FCRL3: variants seen among roughly 807,000 people sequenced by gnomAD.
The protein encoded by FCRL3 is Fc receptor like 3.
In FCRL3, 89 loss-of-function variants were observed where a neutral mutation model predicts 75.0. The ratio of observed to expected loss-of-function variants is 1.19; its 90% confidence interval spans 1.00 to 1.42. The LOEUF is 1.42. Ranked by LOEUF, FCRL3 falls within the 40% of genes most tolerant of loss-of-function variation. The probability of loss-of-function intolerance (pLI) is 0.00; values close to 1 mark genes in which losing one functional copy is unlikely to be tolerated. For synonymous variants in FCRL3, 376 were observed against 348.5 expected (o/e 1.08, Z -0.88); for missense variants, 946 against 880.0 (o/e 1.07, Z -0.95).
intron 8 of FCRL3, among the ~76,000 whole-genome samples, chr1:157,693,511 C>T (rs1342265917): frequency 6.6e-6 from 1 of 152,070 alleles, no homozygotes; most frequent in Non-Finnish European, 1.5e-5. Context: ...TAAGCAGTAA[C>T]AGACACTAAA....
intron 10 of FCRL3, among the ~76,000 whole-genome samples, chr1:157,684,005 A>T (rs1180048585): frequency 6.6e-6 from 1 of 152,116 alleles, no homozygotes; most frequent in African/African-American, 2.4e-5. Context: ...CTCATCTTAA[A>T]TTTTTTTGTA....
chr1:157,677,628 T>G lies in FCRL3; in HGVS notation c.*1082A>C, dbSNP rs1654542855. 3 of 982,852 alleles carry G rather than the reference T, an allele frequency of 3.1e-6. No homozygotes were observed. The highest frequency in any genetic ancestry group is 3.6e-6 in the Non-Finnish European group (3 of 827,880). The allele number at this position is 982,852 out of a possible 1,614,324, so 60.9% of individuals were successfully genotyped here. The stretch of plus-strand genomic sequence containing the variant: ...GCTAGGAAAACATTAAGCCAGATAT[T>G]TTACACAAGTAAATACTAAACAGCA... On this transcript the variant is annotated 3_prime_UTR_variant, in exon 15 of 15. Transcript: ENST00000368184.
rs1002744539 is a variant in FCRL3, at chr1:157,682,145, C to T, written c.1839-1046G>A. ...TTCATCGTAGATTCCGGATATTAGC[C>T]GTTTGTCAGATGAGTAGGTTGCGAA... On this transcript the variant is annotated intron_variant, in intron 11 of 14. Coordinates refer to ENST00000368184, the MANE Select transcript of FCRL3 (RefSeq NM_052939.4). Among the ~76,000 whole-genome samples, 71 of 152,146 alleles carry T rather than the reference C, an allele frequency of 4.7e-4. 1 individual carries two copies. In the Middle Eastern group the frequency reaches 0.01, roughly 22 times the overall value.
At chr1:157,698,833 G>C (rs1307210929) in intron 3 of FCRL3, among the ~76,000 whole-genome samples, 2 of 152,202 alleles carry the variant, frequency 1.3e-5, no homozygotes, top group Admixed American at 6.5e-5. Context: ...TGGGCAGAAG[G>C]GTATTATAGG....
chr1:157,695,714 T>C, intron 7 of FCRL3, 107 bp from the exon 8 acceptor site: 1 of 1,306,080 alleles, frequency 7.7e-7, no homozygotes, highest in Non-Finnish European at 1.0e-6. Flanking sequence ...TGATTGTTTC[T>C]GTTTCCCCAC....
chr1:157,696,846 G>A (rs1463700338), intron 6 of FCRL3: 4 of 267,622 alleles, frequency 1.5e-5, no homozygotes, highest in East Asian at 1.4e-4. Context: ...AAAACTGCAT[G>A]TGTTCAGTTG....
At chr1:157,694,322 A>G (rs1655753783) in intron 8 of FCRL3, among the ~76,000 whole-genome samples, 1 of 152,212 alleles carries the variant, frequency 6.6e-6, no homozygotes, top group African/African-American at 2.4e-5. Context: ...TTCTTGTTCA[A>G]GACTCGAGTC....
At chr1:157,691,035 G>GTATGTATGTATGTATGTATGTATC (rs1445038353) in intron 8 of FCRL3, among the ~76,000 whole-genome samples, 1 of 151,546 alleles carries the variant, frequency 6.6e-6, no homozygotes, top group African/African-American at 2.4e-5. Context: ...ATGTATGTAT[G>GTATGTATGTATGTATGTATGTATC]TATCTATCTA....
chr1:157,680,247 A>G (rs993400900), intron 13 of FCRL3, among the ~76,000 whole-genome samples: 1 of 152,180 alleles, frequency 6.6e-6, no homozygotes, highest in African/African-American at 2.4e-5. Context: ...ATGCTTTGGA[A>G]TGGGTGTCAT....
chr1:157,691,836 A>G (rs1170905125), intron 8 of FCRL3: 1 of 152,188 alleles, frequency 6.6e-6, no homozygotes, highest in African/African-American at 2.4e-5. Flanking sequence ...TTCCCCTAAA[A>G]TCAAAGAACT....
Position 157,690,351 on chromosome 1 carries a change from G to A in FCRL3, c.1594C>T (p.Leu532Phe). Residue 532 changes from leucine to phenylalanine, a missense_variant, in exon 9 of 15, where the codon CTC becomes TTC. Physicochemically the swap from Leu to Phe is conservative, Grantham distance 22 (BLOSUM62 0). Transcript: ENST00000368184. ...AHSGGGASFN[L>F]SLTTEHSGNY... is the part of the protein sequence containing the mutation. ...CCAGAATGTTCTGTAGTCAGAGAGA[G>A]GTTGAAGGATGCCCCTCCTCCAGAG... is the stretch of plus-strand genomic sequence containing the variant. 6.2e-7 allele frequency: 1 copy of A among 1,614,246 alleles called. No individual in the cohort carries two copies. Among genetic ancestry groups the A allele is most frequent in the Non-Finnish European group, 8.5e-7 (1 of 1,180,050 alleles).
chr1:157,679,009 T>C (rs181059230), intron 13 of FCRL3, 36 bp from the exon 14 acceptor site: 4 of 1,612,004 alleles, frequency 2.5e-6, no homozygotes, highest in East Asian at 2.2e-5. Context: ...AGTATTAAAC[T>C]GTGGGCAATA....
In FCRL3 at chr1:157,689,852, C is replaced by T. The variant is rs145354138; in HGVS notation, c.1756G>A (p.Val586Ile). The T allele has an allele frequency of 4.1e-5, 66 of 1,614,120 alleles. No individual in the cohort carries two copies. In the Middle Eastern group the frequency reaches 8.2e-4, roughly 20 times the overall value. Residue 586 changes from valine (V) to isoleucine (I), a missense_variant, in exon 10 of 15, where the codon GTC (valine) becomes ATC (isoleucine). By Grantham distance (29) the Val-to-Ile change is conservative. Transcript: ENST00000368184. ...AGCAGAGCAGCAGCAGCAGCAAGGA[C>T]GAGGATGCTGAGCACCAGCCCCGTG... ...GITGLVLSIL[V>I]LAAAAALLHY...
At chr1:157,687,156 T>C (rs1052616005) in intron 10 of FCRL3, among the ~76,000 whole-genome samples, 11 of 150,804 alleles carry the variant, frequency 7.3e-5, no homozygotes, top group Non-Finnish European at 1.6e-4. Context: ...TCAAAAGAAG[T>C]CAAGCAAGCA....
At chr1:157,695,996 C>T in intron 7 of FCRL3, 44 bp downstream of exon 7, 1 of 1,550,078 alleles carries the variant, frequency 6.5e-7, no homozygotes, top group Non-Finnish European at 8.7e-7. Flanking sequence ...GAACCTAAAC[C>T]CTGGCTTGCA....
intron 6 of FCRL3, 59 bp from the exon 7 acceptor site, chr1:157,696,386 G>T: frequency 6.3e-7 from 1 of 1,589,808 alleles, no homozygotes; most frequent in Non-Finnish European, 8.6e-7. Flanking sequence ...AAGGTCAAGG[G>T]GAAGGCTGGA....
At position 157,698,402 on chromosome 1, in the gene FCRL3, G is replaced by A; in HGVS notation, c.280C>T (p.His94Tyr). 2 of 1,614,174 alleles carry A rather than the reference G, an allele frequency of 1.2e-6. No homozygotes were observed. The highest frequency in any genetic ancestry group is 1.7e-6 in the Non-Finnish European group (2 of 1,180,022). ...TCCTCACCAGGTGAAAATTCCACAT[G>A]CACGGCATCACTGAGGGAGGATCCT... ...TRGSSLSDAVHVEFSPDWLIL... is the reference protein window; with the variant it reads ...TRGSSLSDAVYVEFSPDWLIL... The change falls in exon 4 of 15, where the codon CAT (histidine) becomes TAT (tyrosine). Residue 94 changes from histidine (H) to tyrosine (Y), a missense_variant. Transcript: ENST00000368184.
In FCRL3 at chr1:157,693,893, G is replaced by A. The variant is rs145214633; in HGVS notation, c.1411+1436C>T. Among the ~76,000 whole-genome samples, 28 of 152,078 alleles carry A rather than the reference G, an allele frequency of 1.8e-4. 1 individual carries two copies. The highest frequency in any genetic ancestry group is 4.3e-4 in the African/African-American group (18 of 41,490). On this transcript the variant is annotated intron_variant, in intron 8 of 14. Coordinates refer to ENST00000368184, the MANE Select transcript of FCRL3 (RefSeq NM_052939.4). ...CTCCCAAGTATCTGAGAGTACAGGC[G>A]CATGCCACCATGCCCAACTGAATTT...
chr1:157,683,317 T>G, intron 10 of FCRL3, 73 bp from the exon 11 acceptor site: 3 of 1,558,918 alleles, frequency 1.9e-6, no homozygotes, highest in Non-Finnish European at 2.6e-6. Context: ...AGAACATTTT[T>G]TCCTAGAAAT....
Sources: gnomAD v4.1 joint callset for allele counts (sites outside exome capture counted in the v4.1 genomes callset) on GRCh38, gnomAD v4.1.1 for gene constraint, MANE v1.5 for transcripts, NCBI Gene and HGNC (gene_info 2026-07-23, HGNC 2026-07-21) for gene names.